MKS1: variants seen among roughly 807,000 people sequenced by gnomAD.
MKS1 encodes the protein MKS transition zone complex subunit 1.
Under a neutral mutation model 83.7 loss-of-function variants are expected in MKS1, and 70 were observed. The observed-to-expected ratio is 0.84, with a 90% CI of 0.69 to 1.02. The LOEUF (loss-of-function observed/expected upper bound fraction) is 1.02, where lower values mean the gene tolerates loss of function less well. MKS1 is among the 50% of genes least tolerant of loss of function. The pLI is 0.00. For missense variants in MKS1, 681 were observed against 726.9 expected (o/e 0.94, Z 0.73); for synonymous variants, 251 against 273.4 (o/e 0.92, Z 0.81).
chr17:58,218,186 C>T (rs1969340399), intron 2 of MKS1, among the ~76,000 whole-genome samples: 1 of 152,182 alleles, frequency 6.6e-6, no homozygotes, highest in Non-Finnish European at 1.5e-5. Flanking sequence ...CGGTGGCTCA[C>T]GCCTGTAATC....
rs1567796772 is a variant in MKS1, at chr17:58,208,140, A to G, written c.1130T>C (p.Phe377Ser). The change falls in exon 13 of 18, where the codon TTT (phenylalanine) becomes TCT (serine). Residue 377 changes from phenylalanine (F) to serine (S), a missense_variant. Coordinates refer to ENST00000393119, the MANE Select transcript of MKS1 (RefSeq NM_017777.4). Reference sequence around the variant, plus strand: ...ATCCTCATGGAGGAAGAAGGCTTCAAACGTGAATGGGTAGGAGAAGTGAGC... The same window carrying G: ...ATCCTCATGGAGGAAGAAGGCTTCAGACGTGAATGGGTAGGAGAAGTGAGC... ...KVAHFSYPFT[F>S]EAFFLHEDES... 6.2e-7 allele frequency: 1 copy of G among 1,614,016 alleles called. No individual in the cohort carries two copies. The highest frequency in any genetic ancestry group is 8.5e-7 in the Non-Finnish European group (1 of 1,179,824).
intron 14 of MKS1, chr17:58,207,617 A>G: frequency 1.8e-6 from 1 of 566,926 alleles, no homozygotes; most frequent in Non-Finnish European, 3.2e-6. Context: ...TTCAATACAC[A>G]TATGCTATGA....
At chr17:58,218,401 T>TA (rs2057419981) in intron 2 of MKS1, 1 of 390,648 alleles carries the variant, frequency 2.6e-6, no homozygotes, top group South Asian at 2.2e-5. Flanking sequence ...TGAGCGGAGA[T>TA]AGCGACACTG....
chr17:58,218,820 AG>A, intron 1 of MKS1, 91 bp from the exon 2 acceptor site: 1 of 1,177,136 alleles, frequency 8.5e-7, no homozygotes, highest in Non-Finnish European at 1.3e-6. Flanking sequence ...CAGAGGAGGT[AG>A]GGTTGCCAAG....
At chr17:58,214,539 T>C in intron 5 of MKS1, 152 bp from the exon 6 acceptor site, 1 of 1,347,938 alleles carries the variant, frequency 7.4e-7, no homozygotes, top group Admixed American at 2.0e-5. Context: ...AGAAATGACA[T>C]CCCTTCCCTC....
At chr17:58,218,776 A>T (rs1322819724) in intron 1 of MKS1, 47 bp from the exon 2 acceptor site, 10 of 1,486,868 alleles carry the variant, frequency 6.7e-6, no homozygotes, top group Non-Finnish European at 9.4e-6. Context: ...CGCAACCAGG[A>T]GATGAACACA....
At chr17:58,211,161 C>T in intron 9 of MKS1, 139 bp from the exon 10 acceptor site, 1 of 743,322 alleles carries the variant, frequency 1.3e-6, no homozygotes, top group Non-Finnish European at 2.4e-6. Flanking sequence ...TTCTCCCCAC[C>T]CTGACACTTC....
chr17:58,206,393 C>T lies in MKS1; in HGVS notation c.1491-13G>A, dbSNP rs2143736475. The T allele has an allele frequency of 6.2e-7, 1 of 1,614,058 alleles. No homozygotes were observed. Among genetic ancestry groups the T allele is most frequent in the Non-Finnish European group, 8.5e-7 (1 of 1,179,952 alleles). On this transcript the variant is annotated splice_polypyrimidine_tract_variant and intron_variant, in intron 16 of 17. Transcript: ENST00000393119. Reference sequence around the variant, plus strand: ...TTCCATGAAGGCCCTGCAGGGAGGCCAGCCACATGGTTACGGCTGTCTCCA... The same window carrying T: ...TTCCATGAAGGCCCTGCAGGGAGGCTAGCCACATGGTTACGGCTGTCTCCA...
rs766648988 is a variant in MKS1, at chr17:58,214,786, T to C, written c.470A>G (p.Glu157Gly). The change falls in exon 5 of 18, where the codon GAG becomes GGG. Residue 157 changes from glutamate to glycine, a missense_variant. Glu to Gly is a moderately conservative substitution (Grantham distance 98, BLOSUM62 -2). Around this residue, in one of 3 missense-constraint regions of MKS1, gnomAD observed 365 missense variants for 383.8 expected, o/e 0.95. Transcript: ENST00000393119. ...GCGACGCCTGACATTTGCCATTCGC[T>C]CGACCAAGAATGAAGGCACCTCGCT... ...AASEVPSFLV[E>G]RMANVRRRRQ... 4 of 1,607,044 alleles carry C rather than the reference T, an allele frequency of 2.5e-6. No individual in the cohort carries two copies. The highest frequency in any genetic ancestry group is 3.4e-6 in the Non-Finnish European group (4 of 1,179,822).
chr17:58,210,913 G>T, intron 10 of MKS1, 67 bp downstream of exon 10: 1 of 1,553,332 alleles, frequency 6.4e-7, no homozygotes, highest in South Asian at 1.1e-5. Context: ...GAGTGGAGGA[G>T]ACTATTCACA....
rs1173681218 is a variant in MKS1, at chr17:58,209,182, C to T, written c.1025-599G>A. The stretch of plus-strand genomic sequence containing the variant: ...CCATTCTCAATGGTCGCTGTCTCTT[C>T]GGAGCTGTTGGGTACACCTCCCAGA... On this transcript the variant is annotated intron_variant, in intron 11 of 17. Coordinates refer to ENST00000393119, the MANE Select transcript of MKS1 (RefSeq NM_017777.4). This position sits in a 1 kb window ranked among gnomAD's most constrained non-coding sequence, Gnocchi z 4.1. Among the ~76,000 whole-genome samples the T allele has an allele frequency of 1.3e-5, 2 of 152,168 alleles. No homozygotes were observed. The highest frequency in any genetic ancestry group is 2.9e-5 in the Non-Finnish European group (2 of 68,026).
Position 58,218,640 on chromosome 17 carries a change from A to G in MKS1, c.170T>C (p.Phe57Ser). 1 of 1,612,828 alleles carries G rather than the reference A, an allele frequency of 6.2e-7. No homozygotes were observed. The highest frequency in any genetic ancestry group is 8.5e-7 in the Non-Finnish European group (1 of 1,178,878). The part of the protein sequence containing the change: ...LGKDLIDLAT[F>S]RPQPTASGHR... ...CCCACTGGCAGTTGGCTGAGGCCTA[A>G]AAGTGGCCAAGTCTATGAGGTCCTT... Residue 57 changes from phenylalanine (F) to serine (S), a missense_variant, in exon 2 of 18, where the codon TTT becomes TCT. Around this residue, in one of 3 missense-constraint regions of MKS1, gnomAD observed 365 missense variants for 383.8 expected, o/e 0.95. Coordinates refer to ENST00000393119, the MANE Select transcript of MKS1 (RefSeq NM_017777.4).
intron 7 of MKS1, 148 bp from the exon 8 acceptor site, chr17:58,213,238 G>A (rs1968991413): frequency 2.6e-6 from 2 of 783,630 alleles, no homozygotes; most frequent in South Asian, 2.9e-5. Context: ...GACCAGGAGA[G>A]AGAAACAAAA....
rs762501967 is a variant in MKS1 at position 58,206,271 on chromosome 17, G to C, written c.1588+12C>G. On this transcript the variant is annotated intron_variant, in intron 17 of 17. Transcript: ENST00000393119. ...GCTGACCTGGGGTGGCCAGCTGGGG[G>C]AGGGGACATACCTAGCACATTGTGA... is the stretch of plus-strand genomic sequence containing the variant. 3.7e-6 allele frequency: 6 copies of C among 1,614,060 alleles called. 1 individual carries two copies. In the South Asian group the frequency reaches 5.5e-5, roughly 15 times the overall value.
In MKS1 at chr17:58,205,514, C is replaced by T; in HGVS notation, c.*565G>A. 7.8e-7 allele frequency: 1 copy of T among 1,285,954 alleles called. No individual in the cohort carries two copies. The highest frequency in any genetic ancestry group is 1.0e-6 in the Non-Finnish European group (1 of 982,132). 79.7% of individuals were successfully genotyped at this position (1,285,954 alleles called of 1,614,324 possible). ...AAAAAAACACAGTAAAAGATACCAC[C>T]CAGCTAGCAGAAAGGACTCAGCACT... On this transcript the variant is annotated 3_prime_UTR_variant, in exon 18 of 18. Coordinates refer to ENST00000393119, the MANE Select transcript of MKS1 (RefSeq NM_017777.4).
intron 2 of MKS1, among the ~76,000 whole-genome samples, chr17:58,218,307 G>A (rs1969356188): frequency 6.6e-6 from 1 of 151,742 alleles, no homozygotes; most frequent in African/African-American, 2.4e-5. Flanking sequence ...AATTAGCCGG[G>A]CGTGGTGGCG....
chr17:58,218,540 G>T, intron 2 of MKS1, 80 bp downstream of exon 2: 1 of 827,414 alleles, frequency 1.2e-6, no homozygotes. Flanking sequence ...TATAGTATTT[G>T]TTATCTCACT....
At chr17:58,216,844 T>A in intron 2 of MKS1, 108 bp from the exon 3 acceptor site, 1 of 1,159,238 alleles carries the variant, frequency 8.6e-7, no homozygotes, top group Non-Finnish European at 1.3e-6. Context: ...CCACAAAAAC[T>A]AGCTGGAATT....
chr17:58,214,503 T>C (rs1291162169), intron 5 of MKS1, 116 bp from the exon 6 acceptor site: 6 of 1,503,394 alleles, frequency 4.0e-6, no homozygotes, highest in Middle Eastern at 2.3e-4. Flanking sequence ...TGTTTTGTTT[T>C]TTAAGAGCCA....
Sources: gnomAD v4.1 joint callset for allele counts (sites outside exome capture counted in the v4.1 genomes callset) on GRCh38, gnomAD v4.1.1 for gene constraint, gnomAD v4.1.1 regional missense constraint, Gnocchi (gnomAD v3.1) non-coding constraint, MANE v1.5 for transcripts, NCBI Gene and HGNC (gene_info 2026-07-23, HGNC 2026-07-21) for gene names.